L3MBTL3: variants seen among roughly 807,000 people sequenced by gnomAD.
L3MBTL3 encodes lethal(3)malignant brain tumor-like protein 3.
Under a neutral mutation model 102.3 loss-of-function variants are expected in L3MBTL3, and 27 were observed. The observed-to-expected ratio is 0.26, with a 90% CI of 0.19 to 0.36. L3MBTL3 has a LOEUF of 0.36. Ranked by LOEUF, L3MBTL3 falls within the 10% of genes least tolerant of loss-of-function variation. L3MBTL3 has a pLI of 1.00. For missense variants in L3MBTL3, 798 were observed against 955.3 expected, an observed-to-expected ratio of 0.84 and a Z score of 2.17; for synonymous variants, 340 against 320.9, an observed-to-expected ratio of 1.06 and a Z score of -0.64.
At chr6:130,054,152 A>G (rs1453626202) in intron 7 of L3MBTL3, among the ~76,000 whole-genome samples, 2 of 152,178 alleles carry the variant, frequency 1.3e-5, no homozygotes, top group African/African-American at 4.8e-5. Flanking sequence ...TGGGTAGTAG[A>G]ACTTCCAGAG....
intron 1 of L3MBTL3, among the ~76,000 whole-genome samples, chr6:130,021,361 A>G (rs960343931): frequency 2.0e-5 from 3 of 152,250 alleles, no homozygotes; most frequent in Admixed American, 2.0e-4. Context: ...AAGGATGCTG[A>G]TCAGAAATTG....
At chr6:130,105,797 C>T (rs924733898) in intron 19 of L3MBTL3, among the ~76,000 whole-genome samples, 1 of 152,092 alleles carries the variant, frequency 6.6e-6, no homozygotes, top group Non-Finnish European at 1.5e-5. Context: ...CAACAGAATA[C>T]TCAGAAGGGT....
chr6:130,096,604 G>T (rs912963983), intron 18 of L3MBTL3, among the ~76,000 whole-genome samples: 1 of 152,134 alleles, frequency 6.6e-6, no homozygotes, highest in African/African-American at 2.4e-5. Flanking sequence ...AGCAAGGCCC[G>T]TGGTGACAGT....
intron 8 of L3MBTL3, among the ~76,000 whole-genome samples, chr6:130,055,665 T>C (rs111761261): frequency 0.015 from 534 of 34,784 alleles, 13 homozygotes; most frequent in East Asian, 0.05. Flanking sequence ...TCCCTCCCTC[T>C]CTCTCCCTCC....
intron 7 of L3MBTL3, among the ~76,000 whole-genome samples, chr6:130,054,042 T>C (rs1217160647): frequency 6.6e-6 from 1 of 152,114 alleles, no homozygotes; most frequent in Admixed American, 6.5e-5. Flanking sequence ...CTACTTTAGG[T>C]TGGGTTGTCA....
At chr6:130,055,374 T>G in intron 8 of L3MBTL3, 119 bp downstream of exon 8, 5 of 720,000 alleles carry the variant, frequency 6.9e-6, no homozygotes, top group Non-Finnish European at 1.2e-5. Context: ...TTGATTCAGT[T>G]TGGTCAATAA....
At chr6:130,135,958 G>A (rs764059416) in intron 22 of L3MBTL3, among the ~76,000 whole-genome samples, 9 of 152,284 alleles carry the variant, frequency 5.9e-5, no homozygotes, top group Middle Eastern at 3.4e-3. Context: ...TCTTTAAAAG[G>A]CAAAGGACAA....
intron 18 of L3MBTL3, among the ~76,000 whole-genome samples, chr6:130,099,270 G>C (rs1019099113): frequency 2.0e-5 from 3 of 152,064 alleles, no homozygotes; most frequent in Non-Finnish European, 4.4e-5. Flanking sequence ...CTGAGGAGTT[G>C]CATAATAGTA....
chr6:130,037,995 T>A (rs987655323), intron 2 of L3MBTL3, among the ~76,000 whole-genome samples: 8 of 152,124 alleles, frequency 5.3e-5, no homozygotes, highest in Non-Finnish European at 1.0e-4. Context: ...GAGACTTTTT[T>A]AGCTCTCACA....
At chr6:130,079,664 G>A (rs1361597289) in intron 14 of L3MBTL3, among the ~76,000 whole-genome samples, 1 of 152,176 alleles carries the variant, frequency 6.6e-6, no homozygotes, top group African/African-American at 2.4e-5. Flanking sequence ...TTTACTAGGA[G>A]CTGTTTTCGA....
intron 20 of L3MBTL3, among the ~76,000 whole-genome samples, chr6:130,132,213 G>A (rs1161134108): frequency 6.6e-6 from 1 of 152,186 alleles, no homozygotes. Context: ...TCACAACAAT[G>A]TGGATGAATC....
intron 2 of L3MBTL3, among the ~76,000 whole-genome samples, chr6:130,030,281 C>G (rs1779628766): frequency 2.0e-5 from 3 of 152,028 alleles, no homozygotes; most frequent in African/African-American, 7.3e-5. Context: ...GAGGATATAC[C>G]TAACCCATTT....
At position 130,133,470 on chromosome 6, in the gene L3MBTL3, C is replaced by T; in HGVS notation, c.1985C>T (p.Thr662Ile). 4 of 1,613,968 alleles carry T rather than the reference C, an allele frequency of 2.5e-6. No homozygotes were observed. The highest frequency in any genetic ancestry group is 1.1e-5 in the South Asian group (1 of 91,062). ...HEARGAREEP[T>I]VQQAQRRSAV... ...TGACCAGGTGCCCGGGAAGAACCCA[C>T]CGTCCAGCAGGCACAGCGTCGGTCA... The change falls in exon 21 of 23, where the codon ACC becomes ATC. Residue 662 changes from threonine to isoleucine, a missense_variant. Around this residue, in one of 4 missense-constraint regions of L3MBTL3, gnomAD observed 306 missense variants for 314.4 expected, o/e 0.97. Transcript: ENST00000361794. This position sits in a 1 kb window ranked among gnomAD's most constrained non-coding sequence, Gnocchi z 4.9.
intron 16 of L3MBTL3, among the ~76,000 whole-genome samples, chr6:130,087,298 A>G (rs1783746252): frequency 6.6e-6 from 1 of 152,132 alleles, no homozygotes; most frequent in South Asian, 2.1e-4. Context: ...TATAAATGCA[A>G]GACCTGTGCT....
At chr6:130,019,996 G>A (rs1347598081) in intron 1 of L3MBTL3, among the ~76,000 whole-genome samples, 2 of 131,174 alleles carry the variant, frequency 1.5e-5, no homozygotes, top group South Asian at 2.4e-4. Flanking sequence ...GGCGGTCGCG[G>A]CGGCGGCGGC....
In L3MBTL3 at chr6:130,104,543, T is replaced by A. The variant is rs1347189063; in HGVS notation, c.1854T>A (p.Asp618Glu). ...CATTTCCAAGAAATAAAAGGACAGA[T>A]GCAAATGAAAGCTCTTCTTCCCCTG... ...SPSFPRNKRT[D>E]ANESSSSPEI... The change falls in exon 19 of 23, where the codon GAT becomes GAA. Residue 618 changes from aspartate to glutamate, a missense_variant. By Grantham distance (45) the Asp-to-Glu change is conservative. Transcript: ENST00000361794. The A allele has an allele frequency of 6.3e-7, 1 of 1,587,672 alleles. No individual in the cohort carries two copies. Among genetic ancestry groups the A allele is most frequent in the Admixed American group, 1.8e-5 (1 of 55,514 alleles).
At position 130,121,390 on chromosome 6, in the gene L3MBTL3, C is replaced by T. The variant is rs1001533243; in HGVS notation, c.1966+432C>T. Among the ~76,000 whole-genome samples, 75 of 152,092 alleles carry T rather than the reference C, an allele frequency of 4.9e-4. 3 individuals carry two copies. The highest frequency in any genetic ancestry group is 1.5e-5 in the Non-Finnish European group (1 of 68,014). On this transcript the variant is annotated intron_variant, in intron 20 of 22. Transcript: ENST00000361794. ...TAGCCTCCAGCTCCATCCATGTTCC[C>T]GCAGAAGACATGATCTCATTCTTTT...
intron 20 of L3MBTL3, among the ~76,000 whole-genome samples, chr6:130,131,732 CT>C: frequency 6.6e-6 from 1 of 152,142 alleles, no homozygotes; most frequent in East Asian, 1.9e-4. Context: ...TGTGCCTCCC[CT>C]TTTTAGACTG....
chr6:130,133,867 C>A lies in L3MBTL3; in HGVS notation c.2161C>A (p.Pro721Thr). The change falls in exon 22 of 23, where the codon CCT (proline) becomes ACT (threonine). Residue 721 changes from proline to threonine, a missense_variant. Coordinates refer to ENST00000361794, the MANE Select transcript of L3MBTL3 (RefSeq NM_032438.4). This position sits in a 1 kb window ranked among gnomAD's most constrained non-coding sequence, Gnocchi z 4.9. ...DEVSEFIQSL[P>T]GCEEHGKVFK... is the part of the protein sequence containing the mutation. ...GGTGTCAGAATTTATACAGAGCTTACCTGGGTGTGAAGAACATGGAAAGGT... is the reference window on the plus strand; with the variant it reads ...GGTGTCAGAATTTATACAGAGCTTAACTGGGTGTGAAGAACATGGAAAGGT... 6.2e-7 allele frequency: 1 copy of A among 1,613,086 alleles called. No individual in the cohort carries two copies. Among genetic ancestry groups the A allele is most frequent in the East Asian group, 2.2e-5 (1 of 44,834 alleles).
Sources: allele counts gnomAD v4.1 joint callset (sites outside exome capture counted in the v4.1 genomes callset), GRCh38; gene constraint gnomAD v4.1.1; regional missense constraint gnomAD v4.1.1; non-coding constraint Gnocchi (gnomAD v3.1); transcripts MANE v1.5; gene names NCBI Gene and HGNC (gene_info 2026-07-23, HGNC 2026-07-21).